GPC5: variants seen among roughly 807,000 people sequenced by gnomAD.
The protein encoded by GPC5 is glypican-5.
GPC5 carries 47 observed loss-of-function variants against 53.9 expected under a neutral mutation model. The ratio of observed to expected loss-of-function variants is 0.87; its 90% CI spans 0.69 to 1.11. The LOEUF (loss-of-function observed/expected upper bound fraction) is 1.11. GPC5 is among the 50% of genes most tolerant of loss of function. GPC5 has a pLI of 0.00. For missense variants in GPC5, 748 were observed against 713.1 expected (o/e 1.05, Z -0.56); for synonymous variants, 286 against 263.3 (o/e 1.09, Z -0.84).
At chr13:91,488,128 C>G (rs1450032264) in intron 2 of GPC5, among the ~76,000 whole-genome samples, 1 of 151,862 alleles carries the variant, frequency 6.6e-6, no homozygotes, top group Non-Finnish European at 1.5e-5. Flanking sequence ...AGAAAGGAAC[C>G]TGTTGTTCCA....
rs545711427 is a variant in GPC5 at position 91,780,901 on chromosome 13, A to T, written c.1280+24481A>T. ...ATATAAGCTTTCTTATTCTTAGTTCACATGTAGCCCCCCACTCCCTATAAT... is the reference window on the plus strand; with the variant it reads ...ATATAAGCTTTCTTATTCTTAGTTCTCATGTAGCCCCCCACTCCCTATAAT... On this transcript the variant is annotated intron_variant, in intron 5 of 7. Transcript: ENST00000377067. Among the ~76,000 whole-genome samples, 10 of 152,330 alleles carry T rather than the reference A, an allele frequency of 6.6e-5. No individual in the cohort carries two copies. The East Asian group carries it at 1.9e-3, about 29-fold the overall frequency.
intron 2 of GPC5, among the ~76,000 whole-genome samples, chr13:91,499,481 A>G (rs192173926): frequency 6.6e-5 from 10 of 152,332 alleles, no homozygotes; most frequent in African/African-American, 2.2e-4. Context: ...CAGTTTTGGC[A>G]TATCTTCCTG....
chr13:92,752,617 G>T (rs1262846702), intron 7 of GPC5, among the ~76,000 whole-genome samples: 1 of 152,132 alleles, frequency 6.6e-6, no homozygotes, highest in African/African-American at 2.4e-5. Context: ...AGTGGGCGCA[G>T]GTCAGTGGGT....
At chr13:91,865,266 C>T (rs1566311403) in intron 5 of GPC5, among the ~76,000 whole-genome samples, 1 of 152,040 alleles carries the variant, frequency 6.6e-6, no homozygotes, top group South Asian at 2.1e-4. Flanking sequence ...ATTACTTTGG[C>T]AAACATGGGA....
intron 2 of GPC5, among the ~76,000 whole-genome samples, chr13:91,503,019 A>C (rs1884731783): frequency 6.6e-6 from 1 of 152,208 alleles, no homozygotes; most frequent in Non-Finnish European, 1.5e-5. Context: ...CAAGCCAAGA[A>C]CTTAGAAAAA....
At chr13:92,862,989 C>A (rs1879230425) in intron 7 of GPC5, among the ~76,000 whole-genome samples, 1 of 152,112 alleles carries the variant, frequency 6.6e-6, no homozygotes, top group Non-Finnish European at 1.5e-5. Context: ...ATTCATCAGG[C>A]CATTCTGATT....
intron 7 of GPC5, among the ~76,000 whole-genome samples, chr13:92,223,277 G>C (rs1245331332): frequency 1.3e-5 from 2 of 152,164 alleles, no homozygotes; most frequent in East Asian, 3.8e-4. Context: ...TGATAATCAT[G>C]TTAGCTACAC....
At chr13:91,559,369 C>T (rs1160567446) in intron 2 of GPC5, among the ~76,000 whole-genome samples, 1 of 152,138 alleles carries the variant, frequency 6.6e-6, no homozygotes, top group Non-Finnish European at 1.5e-5. Flanking sequence ...ACAATGAGCT[C>T]AGCGCTTGAA....
intron 6 of GPC5, among the ~76,000 whole-genome samples, chr13:92,056,196 C>T (rs2041073060): frequency 6.6e-6 from 1 of 152,134 alleles, no homozygotes. Context: ...TCTTCCCTGC[C>T]TTATTCAGCT....
intron 2 of GPC5, among the ~76,000 whole-genome samples, chr13:91,552,461 G>A (rs1170584340): frequency 2.0e-5 from 3 of 151,896 alleles, no homozygotes; most frequent in Admixed American, 1.3e-4. Flanking sequence ...GAAATCAGGG[G>A]TCTCACAGCC....
chr13:92,084,720 AACATTTGGTATATAT>A (rs2041322727), intron 6 of GPC5, among the ~76,000 whole-genome samples: 1 of 152,184 alleles, frequency 6.6e-6, no homozygotes. Context: ...TATTTTACCC[AACATTTGGTATATAT>A]TTGTATACAG....
intron 5 of GPC5, among the ~76,000 whole-genome samples, chr13:91,850,297 A>G (rs947091957): frequency 8.5e-5 from 13 of 152,152 alleles, no homozygotes; most frequent in African/African-American, 3.1e-4. Flanking sequence ...TTATAAAACA[A>G]CCTGGGACTA....
In GPC5 at chr13:92,542,738, G is replaced by A. The variant is rs374306334; in HGVS notation, c.1562-323544G>A. On this transcript the variant is annotated intron_variant, in intron 7 of 7. Coordinates refer to ENST00000377067, the MANE Select transcript of GPC5 (RefSeq NM_004466.6). ...AGACTTTGTCTTTCACTCCTGAAGT[G>A]TATTCCCGTTAGGTACAGTATTCTT... 2.9e-4 allele frequency among the ~76,000 whole-genome samples: 44 copies of A among 152,050 alleles called. 1 individual carries two copies. The East Asian group carries it at 7.8e-3, about 27-fold the overall frequency.
intron 7 of GPC5, among the ~76,000 whole-genome samples, chr13:92,722,096 C>G (rs1263890111): frequency 1.3e-5 from 2 of 151,882 alleles, no homozygotes; most frequent in African/African-American, 4.8e-5. Context: ...TCTTCCAGTT[C>G]AAAATAACAA....
rs75515068 is a variant in GPC5, at chr13:92,420,269, C to G, written c.1561+275280C>G. 1.8e-3 allele frequency among the ~76,000 whole-genome samples: 278 copies of G among 152,086 alleles called. 8 individuals are homozygous for G. In the East Asian group the frequency reaches 0.04, roughly 22 times the overall value. On this transcript the variant is annotated intron_variant, in intron 7 of 7. Transcript: ENST00000377067. ...AGCCAAAATATACTCAGTATCCAGC[C>G]TAAACATAGGTAAGATTATTTTAAG...
At chr13:92,851,699 G>T (rs891631574) in intron 7 of GPC5, among the ~76,000 whole-genome samples, 4 of 150,560 alleles carry the variant, frequency 2.7e-5, no homozygotes, top group Non-Finnish European at 4.4e-5. Context: ...GGCTAACACG[G>T]TGAAACTCCA....
At chr13:91,618,494 C>T (rs139300840) in intron 2 of GPC5, among the ~76,000 whole-genome samples, 1 of 152,046 alleles carries the variant, frequency 6.6e-6, no homozygotes, top group Non-Finnish European at 1.5e-5. Flanking sequence ...TCACTACTCT[C>T]TCTCAGCCCA....
intron 7 of GPC5, among the ~76,000 whole-genome samples, chr13:92,765,627 T>G (rs1875374725): frequency 6.6e-6 from 1 of 152,274 alleles, no homozygotes; most frequent in Non-Finnish European, 1.5e-5. Context: ...AGCATTACCA[T>G]CGCCTGGGAC....
intron 7 of GPC5, among the ~76,000 whole-genome samples, chr13:92,655,441 T>G (rs536447658): frequency 6.6e-6 from 1 of 152,128 alleles, no homozygotes; most frequent in South Asian, 2.1e-4. Flanking sequence ...TTCAAGCGAT[T>G]CTCTTGCCTT....
Sources: allele counts gnomAD v4.1 joint callset (sites outside exome capture counted in the v4.1 genomes callset), GRCh38; gene constraint gnomAD v4.1.1; transcripts MANE v1.5; gene names NCBI Gene and HGNC (gene_info 2026-07-23, HGNC 2026-07-21).